Variants in XYLT1 observed in about 807,000 individuals in gnomAD.
XYLT1 encodes the protein beta-D-xylosyltransferase 1.
XYLT1 carries 36 observed loss-of-function variants against 91.3 expected under a neutral mutation model. The ratio of observed to expected loss-of-function variants is 0.39; its 90% CI spans 0.30 to 0.52. The LOEUF is 0.52. Among genes scored for constraint, XYLT1 ranks in the 20% least tolerant of loss-of-function variants. XYLT1 has a pLI of 0.68. For synonymous variants in XYLT1, 588 were observed against 532.0 expected, an observed-to-expected ratio of 1.11 and a Z score of -1.45; for missense variants, 1,242 against 1,284.5, an observed-to-expected ratio of 0.97 and a Z score of 0.51.
chr16:17,406,396 C>G (rs1727853056), intron 1 of XYLT1, among the ~76,000 whole-genome samples: 1 of 152,226 alleles, frequency 6.6e-6, no homozygotes, highest in Non-Finnish European at 1.5e-5. Flanking sequence ...GAGCACACTG[C>G]TTCCCCTCTC....
At chr16:17,375,579 G>A (rs891913473) in intron 1 of XYLT1, among the ~76,000 whole-genome samples, 1 of 152,076 alleles carries the variant, frequency 6.6e-6, no homozygotes, top group Non-Finnish European at 1.5e-5. Context: ...GGAATTGCTA[G>A]TGGCTGCTGA....
intron 1 of XYLT1, among the ~76,000 whole-genome samples, chr16:17,444,876 C>T (rs1456719849): frequency 6.6e-6 from 1 of 152,052 alleles, no homozygotes; most frequent in African/African-American, 2.4e-5. Flanking sequence ...AAAGGGCAGA[C>T]ATGCACTTTC....
At chr16:17,370,386 C>T (rs1257306066) in intron 1 of XYLT1, among the ~76,000 whole-genome samples, 2 of 152,232 alleles carry the variant, frequency 1.3e-5, no homozygotes, top group African/African-American at 4.8e-5. Context: ...GGGACCCTCG[C>T]TCACATGCAT....
chr16:17,418,303 T>G (rs1255085009), intron 1 of XYLT1, among the ~76,000 whole-genome samples: 1 of 152,216 alleles, frequency 6.6e-6, no homozygotes, highest in African/African-American at 2.4e-5. Flanking sequence ...AGACAAAGAA[T>G]GTAGTGTGTG....
At chr16:17,333,196 A>G (rs1391081308) in intron 2 of XYLT1, among the ~76,000 whole-genome samples, 1 of 152,212 alleles carries the variant, frequency 6.6e-6, no homozygotes. Context: ...GTACAACTTC[A>G]AATTTTCTAG....
chr16:17,399,324 G>A (rs2035933853), intron 1 of XYLT1, among the ~76,000 whole-genome samples: 1 of 152,078 alleles, frequency 6.6e-6, no homozygotes, highest in Admixed American at 6.6e-5. Context: ...GGCCTTTCTG[G>A]GCAGAATGAG....
At chr16:17,317,440 C>G (rs927204908) in intron 2 of XYLT1, among the ~76,000 whole-genome samples, 1 of 151,238 alleles carries the variant, frequency 6.6e-6, no homozygotes, top group African/African-American at 2.4e-5. Context: ...CAAGACCAGC[C>G]TGGGTAACAG....
chr16:17,448,796 T>C (rs12445675), intron 1 of XYLT1, among the ~76,000 whole-genome samples: 17,424 of 151,788 alleles, frequency 0.11, 1,126 homozygotes, highest in Non-Finnish European at 0.15. Flanking sequence ...AGCAGCAGCA[T>C]GTTATGGTGC....
rs1597184723 is a variant in XYLT1 at position 17,197,014 on chromosome 16, A to ATATATATAT, written c.1289+1197_1289+1198insATATATATA. On this transcript the variant is annotated intron_variant, in intron 5 of 11. Transcript: ENST00000261381. ...TGACAGAGCGAGACTCTGTCTCCAAAATATATATATATATATAGATATATA... is the reference window on the plus strand; with the variant it reads ...TGACAGAGCGAGACTCTGTCTCCAAATATATATATATATATATATATATATAGATATATA... Among the ~76,000 whole-genome samples, 181 of 110,494 alleles carry ATATATATAT rather than the reference A, an allele frequency of 1.6e-3. 4 individuals are homozygous for ATATATATAT. The highest frequency in any genetic ancestry group is 7.8e-3 in the African/African-American group (174 of 22,296). 72.5% of individuals were successfully genotyped at this position (110,494 alleles called of 152,430 possible). A position where few individuals can be genotyped will look rare whatever the true frequency, so the allele number is the denominator to read the frequency against.
chr16:17,186,707 C>T (rs1254479995), intron 5 of XYLT1, among the ~76,000 whole-genome samples: 1 of 152,086 alleles, frequency 6.6e-6, no homozygotes, highest in Non-Finnish European at 1.5e-5. Context: ...TGTCCTGCTC[C>T]CTGCGGAACA....
At chr16:17,462,493 T>G (rs1341220776) in intron 1 of XYLT1, among the ~76,000 whole-genome samples, 1 of 152,142 alleles carries the variant, frequency 6.6e-6, no homozygotes, top group East Asian at 1.9e-4. Context: ...CACCATCTGA[T>G]GAGCATCTGC....
chr16:17,399,653 T>C (rs2035938585), intron 1 of XYLT1, among the ~76,000 whole-genome samples: 1 of 152,186 alleles, frequency 6.6e-6, no homozygotes, highest in Non-Finnish European at 1.5e-5. Context: ...AGTAATAACT[T>C]GTTTAAAGAT....
chr16:17,208,629 T>C (rs2032701333), intron 3 of XYLT1, among the ~76,000 whole-genome samples: 1 of 152,244 alleles, frequency 6.6e-6, no homozygotes, highest in Non-Finnish European at 1.5e-5. Flanking sequence ...TTTCCGCTTG[T>C]AGCATTATGT....
chr16:17,456,145 T>A (rs2036738534), intron 1 of XYLT1, among the ~76,000 whole-genome samples: 1 of 152,120 alleles, frequency 6.6e-6, no homozygotes, highest in Admixed American at 6.5e-5. Context: ...GTGAGGGTAC[T>A]TCTACCAGAG....
chr16:17,313,168 C>T (rs1173385771), intron 2 of XYLT1, among the ~76,000 whole-genome samples: 1 of 152,226 alleles, frequency 6.6e-6, no homozygotes, highest in Non-Finnish European at 1.5e-5. Context: ...CCTGCCAACA[C>T]CAGAACTAGA....
chr16:17,165,627 G>C (rs2031662379), intron 5 of XYLT1, among the ~76,000 whole-genome samples: 1 of 152,186 alleles, frequency 6.6e-6, no homozygotes, highest in African/African-American at 2.4e-5. Flanking sequence ...GGGAGGCGGA[G>C]GTTGAAGTGA....
chr16:17,405,785 TGATGA>T (rs2036025689), intron 1 of XYLT1, among the ~76,000 whole-genome samples: 1 of 152,160 alleles, frequency 6.6e-6, no homozygotes, highest in South Asian at 2.1e-4. Flanking sequence ...CCCTGATGCA[TGATGA>T]GAGTGAAAAG....
At position 17,286,169 on chromosome 16, in the gene XYLT1, C is replaced by T. The variant is rs1423003413; in HGVS notation, c.403-26671G>A. Among the ~76,000 whole-genome samples, 8 of 152,158 alleles carry T rather than the reference C, an allele frequency of 5.3e-5. 1 individual carries two copies. Among genetic ancestry groups the T allele is most frequent in the Non-Finnish European group, 7.4e-5 (5 of 68,016 alleles). On this transcript the variant is annotated intron_variant, in intron 2 of 11. Coordinates refer to ENST00000261381, the MANE Select transcript of XYLT1 (RefSeq NM_022166.4). ...AGGCTAGGACATTTGCTCAAGGTCCCGGCACTAGTAATTGGTAGGACTGGA... is the reference window on the plus strand; with the variant it reads ...AGGCTAGGACATTTGCTCAAGGTCCTGGCACTAGTAATTGGTAGGACTGGA...
Position 17,200,533 on chromosome 16 carries a change from C to T in XYLT1, c.1035G>A (p.Met345Ile). The T allele has an allele frequency of 6.2e-7, 1 of 1,614,210 alleles. No individual in the cohort carries two copies. The highest frequency in any genetic ancestry group is 1.1e-5 in the South Asian group (1 of 91,090). ...GGTCTTTGTGGTAGATGGCCTTGAACATGCGCTGCAACTGCCGAGAGGCAC... is the reference window on the plus strand; with the variant it reads ...GGTCTTTGTGGTAGATGGCCTTGAATATGCGCTGCAACTGCCGAGAGGCAC... ...HGRASRQLQRMFKAIYHKDHF... is the reference protein window; with the variant it reads ...HGRASRQLQRIFKAIYHKDHF... Residue 345 changes from methionine (M) to isoleucine (I), a missense_variant, in exon 4 of 12, where the codon ATG (methionine) becomes ATA (isoleucine). Physicochemically the swap from Met to Ile is conservative, Grantham distance 10 (BLOSUM62 1). Coordinates refer to ENST00000261381, the MANE Select transcript of XYLT1 (RefSeq NM_022166.4).
Sources: allele counts gnomAD v4.1 joint callset (sites outside exome capture counted in the v4.1 genomes callset), GRCh38; gene constraint gnomAD v4.1.1; transcripts MANE v1.5; gene names NCBI Gene and HGNC (gene_info 2026-07-23, HGNC 2026-07-21).